The following LMO7 variants were observed in gnomAD, a reference collection of about 807,000 sequenced individuals.
LMO7 encodes the protein LIM domain only protein 7.
LMO7 carries 120 observed loss-of-function variants against 206.5 expected under a neutral mutation model. That is an observed-to-expected ratio of 0.58 (90% CI 0.50 to 0.68). LMO7 has a LOEUF of 0.68. LMO7 is among the 30% of genes least tolerant of loss of function. The pLI is 0.00. For missense variants in LMO7, 1,959 were observed against 1,957.9 expected (o/e 1.00, Z -0.01); for synonymous variants, 706 against 681.5 (o/e 1.04, Z -0.56).
chr13:75,805,394 A>G (rs1159799925), intron 8 of LMO7, 85 bp from the exon 9 acceptor site: 1 of 1,414,682 alleles, frequency 7.1e-7, no homozygotes, highest in African/African-American at 1.4e-5. Flanking sequence ...AGTGGTGTAA[A>G]CTTTGTGAAC....
intron 1 of LMO7, among the ~76,000 whole-genome samples, chr13:75,672,146 G>A (rs982604219): frequency 2.2e-4 from 34 of 151,930 alleles, no homozygotes; most frequent in Admixed American, 2.6e-4. Context: ...AGAGCCGGCT[G>A]TATGCACACT....
At chr13:75,789,583 C>G (rs1340839679) in intron 4 of LMO7, among the ~76,000 whole-genome samples, 1 of 152,116 alleles carries the variant, frequency 6.6e-6, no homozygotes, top group Non-Finnish European at 1.5e-5. Context: ...AAATGCTTGG[C>G]TGTTCTTAGC....
Position 75,855,341 on chromosome 13 carries a change from T to C in LMO7, c.4743T>C (p.Gly1581=). ...KGAAMIIESL[G]LCYHLHCFKC... Reference sequence around the variant, plus strand: ...CCGCCATGATCATCGAGTCCCTGGGTCTTTGTTATCATTTGCATTGTTTTA... The same window carrying C: ...CCGCCATGATCATCGAGTCCCTGGGCCTTTGTTATCATTTGCATTGTTTTA... Residue 1581 remains glycine (G), a synonymous_variant, in exon 29 of 31, where the codon GGT becomes GGC. Transcript: ENST00000377534. 5.0e-6 allele frequency: 8 copies of C among 1,613,152 alleles called. No homozygotes were observed. Among genetic ancestry groups the C allele is most frequent in the Non-Finnish European group, 6.8e-6 (8 of 1,179,210 alleles).
intron 1 of LMO7, among the ~76,000 whole-genome samples, chr13:75,665,321 GT>G (rs1300635359): frequency 6.6e-6 from 1 of 151,784 alleles, no homozygotes; most frequent in African/African-American, 2.4e-5. Context: ...TTAAAAAAGG[GT>G]TATTTTCTTT....
At chr13:75,856,655 C>A in intron 30 of LMO7, 47 bp downstream of exon 30, 1 of 1,100,416 alleles carries the variant, frequency 9.1e-7, no homozygotes, top group Non-Finnish European at 1.4e-6. Context: ...TTAAGGAGGC[C>A]ACGGGTTCCC....
intron 1 of LMO7, among the ~76,000 whole-genome samples, chr13:75,665,438 G>A (rs766667021): frequency 6.6e-6 from 1 of 151,632 alleles, no homozygotes; most frequent in Non-Finnish European, 1.5e-5. Context: ...ATTTACTTTT[G>A]TATTCTTGTA....
chr13:75,692,864 GTCT>G (rs1425672078), intron 1 of LMO7, among the ~76,000 whole-genome samples: 1 of 152,162 alleles, frequency 6.6e-6, no homozygotes, highest in East Asian at 1.9e-4. Flanking sequence ...GTGCCCTTCA[GTCT>G]TCTTCTTTTG....
chr13:75,826,692 A>G (rs566140265), intron 15 of LMO7, among the ~76,000 whole-genome samples: 1 of 152,118 alleles, frequency 6.6e-6, no homozygotes, highest in Non-Finnish European at 1.5e-5. Flanking sequence ...CCGAATGTGG[A>G]CTATCATGAT....
At position 75,626,576 on chromosome 13, in the gene LMO7, A is replaced by ATATTTTTTT. The variant is rs1566249065; in HGVS notation, c.225+3257_225+3258insATTTTTTTT. 2.9e-4 allele frequency among the ~76,000 whole-genome samples: 19 copies of ATATTTTTTT among 64,424 alleles called. 2 individuals are homozygous for ATATTTTTTT. Among genetic ancestry groups the ATATTTTTTT allele is most frequent in the Non-Finnish European group, 5.2e-4 (15 of 28,698 alleles). 42.3% of individuals were successfully genotyped at this position (64,424 alleles called of 152,430 possible). A position where few individuals can be genotyped will look rare whatever the true frequency, so the allele number is the denominator to read the frequency against. ...TATTGTCTACCCTCTTAACATATAT[A>ATATTTTTTT]TTATATATATATATATAAATTTTTT... On this transcript the variant is annotated intron_variant, in intron 2 of 29. Coordinates refer to the LMO7 transcript ENST00000341547.
At chr13:75,625,571 T>C (rs1432776133) in intron 2 of LMO7, among the ~76,000 whole-genome samples, 2 of 152,234 alleles carry the variant, frequency 1.3e-5, no homozygotes, top group African/African-American at 2.4e-5. Flanking sequence ...CTTCTCCCTC[T>C]GTCCAGACAA....
chr13:75,741,012 CGTTGA>C (rs1181947162), intron 3 of LMO7, among the ~76,000 whole-genome samples: 1 of 152,098 alleles, frequency 6.6e-6, no homozygotes, highest in African/African-American at 2.4e-5. Context: ...CTTGGTGTTT[CGTTGA>C]GTTAAAAGAT....
At chr13:75,689,145 A>G (rs937541768) in intron 1 of LMO7, 1 of 152,172 alleles carries the variant, frequency 6.6e-6, no homozygotes, top group African/African-American at 2.4e-5. Context: ...GTTCATCTTC[A>G]GAATTCATTA....
At chr13:75,680,233 C>T (rs920722344) in intron 1 of LMO7, among the ~76,000 whole-genome samples, 1 of 152,194 alleles carries the variant, frequency 6.6e-6, no homozygotes, top group African/African-American at 2.4e-5. Context: ...TGATCTCGTT[C>T]CCTTTTGTGG....
At chr13:75,846,986 G>A (rs1443925426) in intron 26 of LMO7, among the ~76,000 whole-genome samples, 2 of 145,506 alleles carry the variant, frequency 1.4e-5, no homozygotes, top group African/African-American at 5.2e-5. Flanking sequence ...AGCCGAGATC[G>A]CTCCACTGCA....
intron 30 of LMO7, 107 bp downstream of exon 30, chr13:75,856,715 A>G (rs1192063038): frequency 9.9e-6 from 7 of 708,136 alleles, no homozygotes; most frequent in Non-Finnish European, 1.8e-5. Flanking sequence ...TCACTGCCAT[A>G]GGATTCCAGG....
chr13:75,811,374 G>T (rs2056380619), intron 11 of LMO7, among the ~76,000 whole-genome samples: 1 of 151,958 alleles, frequency 6.6e-6, no homozygotes, highest in African/African-American at 2.4e-5. Flanking sequence ...TAGATCTGCT[G>T]CAGTGAAAAG....
At chr13:75,780,940 C>T (rs61421893) in intron 4 of LMO7, among the ~76,000 whole-genome samples, 1,737 of 152,102 alleles carry the variant, frequency 0.011, 28 homozygotes, top group African/African-American at 0.039. Flanking sequence ...GTTGGATTTG[C>T]TTTTATTAGT....
At chr13:75,684,101 G>A (rs141916021) in intron 1 of LMO7, among the ~76,000 whole-genome samples, 3 of 152,254 alleles carry the variant, frequency 2.0e-5, no homozygotes, top group East Asian at 1.9e-4. Flanking sequence ...TCCTGAACTC[G>A]TTTTTCAGGT....
At chr13:75,674,713 G>T (rs778896500) in intron 1 of LMO7, among the ~76,000 whole-genome samples, 1 of 152,118 alleles carries the variant, frequency 6.6e-6, no homozygotes, top group Non-Finnish European at 1.5e-5. Context: ...TTGAGAGTTT[G>T]GGAATACACA....
Sources: gnomAD v4.1 joint callset for allele counts (sites outside exome capture counted in the v4.1 genomes callset) on GRCh38, gnomAD v4.1.1 for gene constraint, MANE v1.5 for transcripts, NCBI Gene and HGNC (gene_info 2026-07-23, HGNC 2026-07-21) for gene names.